PHKG2: variants seen among roughly 807,000 people sequenced by gnomAD.
The protein encoded by PHKG2 is phosphorylase b kinase gamma catalytic chain, liver/testis isoform.
Under a neutral mutation model 44.5 loss-of-function variants are expected in PHKG2, and 28 were observed. That is an observed-to-expected ratio of 0.63 (90% CI 0.47 to 0.86). The LOEUF (loss-of-function observed/expected upper bound fraction) is 0.86, where lower values mean the gene tolerates loss of function less well. Ranked by LOEUF, PHKG2 falls within the 40% of genes least tolerant of loss-of-function variation. The pLI, the probability that PHKG2 is intolerant of heterozygous loss-of-function variation, is 0.00. For synonymous variants in PHKG2, 220 were observed against 211.2 expected (o/e 1.04, Z -0.36); for missense variants, 498 against 547.5 (o/e 0.91, Z 0.90).
At chr16:30,756,128 A>C in intron 6 of PHKG2, 54 bp from the exon 7 acceptor site, 13 of 1,277,488 alleles carry the variant, frequency 1.0e-5, no homozygotes, top group Non-Finnish European at 1.3e-5. Flanking sequence ...ATCCAGTGCT[A>C]AGGGCCCTAG....
chr16:30,760,943 G>GT lies in PHKG2; in HGVS notation c.*3847dup. ...GGTCAAGTACTCCCTGTGGCCCTCA[G>GT]TGTCCCCCTCTGTACAATACTCCTT... On this transcript the variant is annotated 3_prime_UTR_variant, in exon 10 of 10. Coordinates refer to ENST00000563588, the MANE Select transcript of PHKG2 (RefSeq NM_000294.3). The GT allele has an allele frequency of 1.6e-6, 1 of 610,966 alleles. No homozygotes were observed. The highest frequency in any genetic ancestry group is 2.0e-5 in the South Asian group (1 of 50,196). 37.8% of individuals were successfully genotyped at this position (610,966 alleles called of 1,614,324 possible).
rs959149640 is a variant in PHKG2 at position 30,757,544 on chromosome 16, T to C, written c.*447T>C. Reference sequence around the variant, plus strand: ...GGCCGCTCTAGTGCAGTCAACTTGCTGCTGAGCCTTTCCTCGCTGGCCTTG... The same window carrying C: ...GGCCGCTCTAGTGCAGTCAACTTGCCGCTGAGCCTTTCCTCGCTGGCCTTG... On this transcript the variant is annotated 3_prime_UTR_variant, in exon 10 of 10. Transcript: ENST00000563588. 6 of 1,614,254 alleles carry C rather than the reference T, an allele frequency of 3.7e-6. No homozygotes were observed. Among genetic ancestry groups the C allele is most frequent in the Middle Eastern group, 1.6e-4 (1 of 6,062 alleles).
At position 30,756,217 on chromosome 16, in the gene PHKG2, A is replaced by G; in HGVS notation, c.592A>G (p.Ile198Val). ...GACCCCAGGGTATCTAGCGCCAGAG[A>G]TCCTTAAATGCTCCATGGATGAAAC... The part of the protein sequence containing the change: ...CGTPGYLAPE[I>V]LKCSMDETHP... Residue 198 changes from isoleucine to valine, a missense_variant, in exon 7 of 10, where the codon ATC becomes GTC. Transcript: ENST00000563588. 6.2e-7 allele frequency: 1 copy of G among 1,614,012 alleles called. No individual in the cohort carries two copies. Among genetic ancestry groups the G allele is most frequent in the Non-Finnish European group, 8.5e-7 (1 of 1,179,970 alleles).
In PHKG2 at chr16:30,749,139, C is replaced by G. The variant is rs948385510; in HGVS notation, c.95+224C>G. The stretch of plus-strand genomic sequence containing the variant: ...GGTGCTGGTGCTGGTGGTGGTGGTG[C>G]TGGTGCTGGTGGTGGTGCTGGTGGT... On this transcript the variant is annotated intron_variant, in intron 2 of 9. Transcript: ENST00000563588. 7.0e-4 allele frequency among the ~76,000 whole-genome samples: 53 copies of G among 76,008 alleles called. 3 individuals carry two copies. Among genetic ancestry groups the G allele is most frequent in the South Asian group, 3.4e-3 (8 of 2,350 alleles). 49.9% of individuals were successfully genotyped at this position (76,008 alleles called of 152,430 possible).
chr16:30,749,264 G>C (rs999674354), intron 2 of PHKG2, among the ~76,000 whole-genome samples: 3 of 62,258 alleles, frequency 4.8e-5, no homozygotes, highest in African/African-American at 1.8e-4. Flanking sequence ...GGTGCTGGTG[G>C]TGGTGGTGTG....
chr16:30,749,046 G>GCTGC (rs2053296517), intron 2 of PHKG2, 131 bp downstream of exon 2: 1 of 120,198 alleles, frequency 8.3e-6, no homozygotes. Flanking sequence ...GGTGGTGGTG[G>GCTGC]TGGTGGTGGT....
rs1402019090 is a variant in PHKG2 at position 30,757,693 on chromosome 16, T to TG, written c.*597dup. On this transcript the variant is annotated 3_prime_UTR_variant, in exon 10 of 10. Transcript: ENST00000563588. ...GAAGAAGGGGCAGGGTGAGGAGAGATGCTGTCTGGCAATGGGGGGATGGTC... is the reference window on the plus strand; with the variant it reads ...GAAGAAGGGGCAGGGTGAGGAGAGATGGCTGTCTGGCAATGGGGGGATGGTC... 5.1e-6 allele frequency: 8 copies of TG among 1,573,584 alleles called. No individual in the cohort carries two copies. In the African/African-American group the frequency reaches 5.4e-5, roughly 11 times the overall value.
chr16:30,757,706 T>C lies in PHKG2; in HGVS notation c.*609T>C, dbSNP rs1216495845. On this transcript the variant is annotated 3_prime_UTR_variant, in exon 10 of 10. Coordinates refer to ENST00000563588, the MANE Select transcript of PHKG2 (RefSeq NM_000294.3). Reference sequence around the variant, plus strand: ...GGTGAGGAGAGATGCTGTCTGGCAATGGGGGGATGGTCCCTAGTTGGGCAA... The same window carrying C: ...GGTGAGGAGAGATGCTGTCTGGCAACGGGGGGATGGTCCCTAGTTGGGCAA... The C allele has an allele frequency of 5.8e-6, 9 of 1,554,352 alleles. No individual in the cohort carries two copies. The African/African-American group carries it at 1.2e-4, about 21-fold the overall frequency.
At chr16:30,754,429 G>A (rs1371121810) in intron 6 of PHKG2, among the ~76,000 whole-genome samples, 1 of 152,146 alleles carries the variant, frequency 6.6e-6, no homozygotes, top group Admixed American at 6.5e-5. Context: ...GCCTCCAGAA[G>A]TGCTGGGATT....
chr16:30,759,736 A>G lies in PHKG2; in HGVS notation c.*2639A>G, dbSNP rs1444330220. ...GCCCAAGGGGGTTGCTGGTAGGGAAAGCAAGATGCAGCAGTGAGGCCCTCT... is the reference window on the plus strand; with the variant it reads ...GCCCAAGGGGGTTGCTGGTAGGGAAGGCAAGATGCAGCAGTGAGGCCCTCT... On this transcript the variant is annotated 3_prime_UTR_variant, in exon 10 of 10. Transcript: ENST00000563588. The G allele has an allele frequency of 2.5e-6, 4 of 1,599,398 alleles. No individual in the cohort carries two copies. Among genetic ancestry groups the G allele is most frequent in the Non-Finnish European group, 3.4e-6 (4 of 1,172,246 alleles).
In PHKG2 at chr16:30,759,750, G is replaced by T. The variant is rs376622488; in HGVS notation, c.*2653G>T. 1 of 1,589,692 alleles carries T rather than the reference G, an allele frequency of 6.3e-7. No homozygotes were observed. The highest frequency in any genetic ancestry group is 8.6e-7 in the Non-Finnish European group (1 of 1,167,738). On this transcript the variant is annotated 3_prime_UTR_variant, in exon 10 of 10. Transcript: ENST00000563588. ...CTGGTAGGGAAAGCAAGATGCAGCAGTGAGGCCCTCTCTGGTATCCATTCA... is the reference window on the plus strand; with the variant it reads ...CTGGTAGGGAAAGCAAGATGCAGCATTGAGGCCCTCTCTGGTATCCATTCA...
Position 30,756,984 on chromosome 16 carries a change from C to T in PHKG2, c.1108C>T (p.Arg370Trp), listed in dbSNP as rs201376250. Reference protein sequence around the residue: ...HWVKKGEQQNRAALFQHRPPG... With the variant: ...HWVKKGEQQNWAALFQHRPPG... ...GGTAAAGAAAGGGGAGCAGCAGAAC[C>T]GGGCGGCTCTCTTTCAGCACCGGCC... Residue 370 changes from arginine to tryptophan, a missense_variant, in exon 10 of 10, where the codon CGG (arginine) becomes TGG (tryptophan). Coordinates refer to ENST00000563588, the MANE Select transcript of PHKG2 (RefSeq NM_000294.3). 1.1e-5 allele frequency: 18 copies of T among 1,612,258 alleles called. No individual in the cohort carries two copies. The highest frequency in any genetic ancestry group is 1.6e-4 in the Middle Eastern group (1 of 6,082).
chr16:30,755,452 C>T lies in PHKG2; in HGVS notation c.557-730C>T, dbSNP rs143842069. Among the ~76,000 whole-genome samples the T allele has an allele frequency of 7.0e-3, 1,059 of 152,120 alleles. 6 individuals carry two copies. The highest frequency in any genetic ancestry group is 0.011 in the Non-Finnish European group (736 of 67,996). ...CAGCACTTTGGGAGCCCGAGGTGGG[C>T]GGATCACGAGTCAGGAGTTCAAGAC... On this transcript the variant is annotated intron_variant, in intron 6 of 9. Transcript: ENST00000563588.
rs906026920 is a variant in PHKG2, at chr16:30,756,030, T to G, written c.557-152T>G. The G allele has an allele frequency of 4.0e-6, 3 of 755,246 alleles. No homozygotes were observed. In the African/African-American group the frequency reaches 5.1e-5, roughly 13 times the overall value. 46.8% of individuals were successfully genotyped at this position (755,246 alleles called of 1,614,324 possible). Reference sequence around the variant, plus strand: ...TGAGCCAACTGTTGCGCAGGGATAGTGCCTCAGCAGGAGACTTGGCAGAAG... The same window carrying G: ...TGAGCCAACTGTTGCGCAGGGATAGGGCCTCAGCAGGAGACTTGGCAGAAG... On this transcript the variant is annotated intron_variant, in intron 6 of 9. Transcript: ENST00000563588.
chr16:30,760,428 C>T lies in PHKG2; in HGVS notation c.*3331C>T, dbSNP rs1386886770. 5.0e-6 allele frequency: 8 copies of T among 1,613,986 alleles called. No individual in the cohort carries two copies. The African/African-American group carries it at 1.1e-4, about 22-fold the overall frequency. ...TCCCTCAGGCTCTGCTCAGGACACC[C>T]TAGCTCCAGCAGCTCAGCCAGCACC... is the stretch of plus-strand genomic sequence containing the variant. On this transcript the variant is annotated 3_prime_UTR_variant, in exon 10 of 10. Coordinates refer to ENST00000563588, the MANE Select transcript of PHKG2 (RefSeq NM_000294.3).
intron 2 of PHKG2, among the ~76,000 whole-genome samples, chr16:30,749,206 T>TGG (rs1200732276): frequency 9.4e-6 from 1 of 106,866 alleles, no homozygotes; most frequent in African/African-American, 3.8e-5. Flanking sequence ...CTGGTGGTGG[T>TGG]GTGTGTGTGT....
Position 30,757,369 on chromosome 16 carries a change from G to A in PHKG2, c.*272G>A. ...ATCTGCTACACGCCAGGGAGAACAG[G>A]TGTCCTGTGTCTGTCTGGCTTGGGC... On this transcript the variant is annotated 3_prime_UTR_variant, in exon 10 of 10. Coordinates refer to ENST00000563588, the MANE Select transcript of PHKG2 (RefSeq NM_000294.3). 6.5e-7 allele frequency: 1 copy of A among 1,540,068 alleles called. No individual in the cohort carries two copies. The highest frequency in any genetic ancestry group is 1.3e-5 in the South Asian group (1 of 78,194).
At position 30,757,023 on chromosome 16, in the gene PHKG2, C is replaced by G; in HGVS notation, c.1147C>G (p.Pro383Ala). Residue 383 changes from proline to alanine, a missense_variant, in exon 10 of 10, where the codon CCC becomes GCC. Pro to Ala is a conservative substitution (Grantham distance 27, BLOSUM62 -1). Transcript: ENST00000563588. The stretch of plus-strand genomic sequence containing the variant: ...TCAGCACCGGCCCCCTGGGCCTTTT[C>G]CCATCATGGGCCCTGAAGAGGAGGG... ...LFQHRPPGPF[P>A]IMGPEEEGDS... 1 of 1,612,520 alleles carries G rather than the reference C, an allele frequency of 6.2e-7. No homozygotes were observed. Among genetic ancestry groups the G allele is most frequent in the Non-Finnish European group, 8.5e-7 (1 of 1,180,030 alleles).
chr16:30,748,763 G>A, intron 1 of PHKG2, 40 bp from the exon 2 acceptor site: 1 of 1,328,148 alleles, frequency 7.5e-7, no homozygotes, highest in African/African-American at 1.5e-5. Context: ...CTCAGAGCCT[G>A]TGGGCCTCCC....
Sources: gnomAD v4.1 joint callset for allele counts (sites outside exome capture counted in the v4.1 genomes callset) on GRCh38, gnomAD v4.1.1 for gene constraint, MANE v1.5 for transcripts, NCBI Gene and HGNC (gene_info 2026-07-23, HGNC 2026-07-21) for gene names.